Variants in NAALADL2 observed in about 807,000 individuals in gnomAD.
NAALADL2 encodes the protein inactive N-acetylated-alpha-linked acidic dipeptidase-like protein 2.
NAALADL2 carries 76 observed loss-of-function variants against 87.2 expected under a neutral mutation model. The observed-to-expected ratio is 0.87, with a 90% confidence interval of 0.72 to 1.05. The LOEUF (loss-of-function observed/expected upper bound fraction) is 1.05. Ranked by LOEUF, NAALADL2 falls within the 50% of genes least tolerant of loss-of-function variation. The pLI is 0.00. For synonymous variants in NAALADL2, 354 were observed against 331.0 expected, an observed-to-expected ratio of 1.07 and a Z score of -0.75; for missense variants, 1,089 against 945.8, an observed-to-expected ratio of 1.15 and a Z score of -1.99.
chr3:175,432,479 C>G (rs535465511), intron 5 of NAALADL2, among the ~76,000 whole-genome samples: 1 of 152,084 alleles, frequency 6.6e-6, no homozygotes, highest in African/African-American at 2.4e-5. Context: ...ATAAAACCCA[C>G]CATAATAAAG....
Position 175,457,284 on chromosome 3 carries a change from C to G in NAALADL2, c.1235-6117C>G, listed in dbSNP as rs142229450. 2.3e-3 allele frequency among the ~76,000 whole-genome samples: 354 copies of G among 152,168 alleles called. 1 individual carries two copies. Among genetic ancestry groups the G allele is most frequent in the African/African-American group, 8.2e-3 (342 of 41,544 alleles). On this transcript the variant is annotated intron_variant, in intron 6 of 13. Coordinates refer to ENST00000454872, the MANE Select transcript of NAALADL2 (RefSeq NM_207015.3). ...CTTAAAAGCAGATGTCCTTCTCACT[C>G]TGCTTCAGTTTGTCCCATCTCTGGT... is the stretch of plus-strand genomic sequence containing the variant.
At chr3:175,786,751 G>A (rs367890067) in intron 13 of NAALADL2, among the ~76,000 whole-genome samples, 39 of 151,788 alleles carry the variant, frequency 2.6e-4, no homozygotes, top group Middle Eastern at 3.2e-3. Flanking sequence ...GAGGAACTGC[G>A]TTCCTTTGGA....
intron 11 of NAALADL2, among the ~76,000 whole-genome samples, chr3:175,679,519 T>C (rs1735302938): frequency 6.6e-6 from 1 of 152,184 alleles, no homozygotes; most frequent in African/African-American, 2.4e-5. Context: ...TTCTTGAGAA[T>C]GAACTTGAAT....
At chr3:175,726,422 A>T (rs1305760232) in intron 11 of NAALADL2, among the ~76,000 whole-genome samples, 1 of 152,174 alleles carries the variant, frequency 6.6e-6, no homozygotes, top group Admixed American at 6.6e-5. Context: ...TAGTTCAGAG[A>T]TTAAAATGTA....
At chr3:175,129,684 A>T (rs1378356545) in intron 2 of NAALADL2, among the ~76,000 whole-genome samples, 2 of 152,196 alleles carry the variant, frequency 1.3e-5, no homozygotes, top group South Asian at 4.1e-4. Context: ...ACACATGTAT[A>T]TGTATATATC....
At chr3:174,456,022 C>A (rs3979586) in intron 1 of NAALADL2, among the ~76,000 whole-genome samples, 17,616 of 152,138 alleles carry the variant, frequency 0.12, 1,779 homozygotes, top group East Asian at 0.43. Flanking sequence ...TCTCAAGATA[C>A]AAAGTCAGTG....
At chr3:175,471,994 A>T (rs1724978567) in intron 9 of NAALADL2, among the ~76,000 whole-genome samples, 1 of 152,094 alleles carries the variant, frequency 6.6e-6, no homozygotes, top group Admixed American at 6.6e-5. Flanking sequence ...TGAGTCACAC[A>T]GTTATAGAGA....
intron 11 of NAALADL2, among the ~76,000 whole-genome samples, chr3:175,665,534 G>C (rs1283458857): frequency 6.6e-6 from 1 of 152,054 alleles, no homozygotes; most frequent in Non-Finnish European, 1.5e-5. Flanking sequence ...CATTTTCATA[G>C]CCTCAAAAAT....
intron 11 of NAALADL2, among the ~76,000 whole-genome samples, chr3:175,642,019 C>T (rs536953351): frequency 3.3e-5 from 5 of 152,168 alleles, no homozygotes; most frequent in South Asian, 2.1e-4. Flanking sequence ...ACTGAATTGC[C>T]GTATGACCAC....
chr3:175,082,315 T>C (rs1718025384), intron 1 of NAALADL2, among the ~76,000 whole-genome samples: 1 of 152,230 alleles, frequency 6.6e-6, no homozygotes, highest in Non-Finnish European at 1.5e-5. Context: ...GTTTTGGTTA[T>C]TGGAGTCTGA....
At chr3:174,784,714 C>A (rs1156272420) in intron 3 of NAALADL2, among the ~76,000 whole-genome samples, 1 of 152,114 alleles carries the variant, frequency 6.6e-6, no homozygotes, top group East Asian at 1.9e-4. Context: ...TCCGTTGGAC[C>A]AAATGTGAGT....
At chr3:174,782,755 G>A (rs1002387636) in intron 3 of NAALADL2, among the ~76,000 whole-genome samples, 1 of 151,930 alleles carries the variant, frequency 6.6e-6, no homozygotes, top group African/African-American at 2.4e-5. Context: ...GAGGTGCCGC[G>A]CAAAGGGGGA....
chr3:175,542,814 G>T (rs984781393), intron 9 of NAALADL2, among the ~76,000 whole-genome samples: 1 of 152,142 alleles, frequency 6.6e-6, no homozygotes, highest in African/African-American at 2.4e-5. Flanking sequence ...GAAATATTTT[G>T]ATAAGCCAAT....
At chr3:175,009,878 C>T (rs1749549212) in intron 1 of NAALADL2, among the ~76,000 whole-genome samples, 1 of 151,658 alleles carries the variant, frequency 6.6e-6, no homozygotes, top group Admixed American at 6.6e-5. Context: ...TAGTTTTTAT[C>T]AAAATAATAT....
chr3:175,256,186 A>C (rs908484582), intron 3 of NAALADL2, among the ~76,000 whole-genome samples: 1 of 152,174 alleles, frequency 6.6e-6, no homozygotes, highest in African/African-American at 2.4e-5. Context: ...AGAGAGAGCA[A>C]AGCAAAAATG....
Position 174,571,296 on chromosome 3 carries a change from T to C in NAALADL2, c.-115+20659T>C, listed in dbSNP as rs141054374. On this transcript the variant is annotated intron_variant, in intron 2 of 3. Transcript: ENST00000434257. ...ATCTTTCGTTTTTTTAGTGAGACTATTGTAACCTTAATAGCAAAACAGGGC... is the reference window on the plus strand; with the variant it reads ...ATCTTTCGTTTTTTTAGTGAGACTACTGTAACCTTAATAGCAAAACAGGGC... Among the ~76,000 whole-genome samples, 3 of 152,306 alleles carry C rather than the reference T, an allele frequency of 2.0e-5. No homozygotes were observed. In the East Asian group the frequency reaches 5.8e-4, roughly 29 times the overall value.
chr3:174,852,276 A>T (rs575775506), intron 3 of NAALADL2, among the ~76,000 whole-genome samples: 2 of 152,292 alleles, frequency 1.3e-5, no homozygotes, highest in African/African-American at 4.8e-5. Context: ...GGAATTAAAA[A>T]TATCCTTCCT....
chr3:175,554,564 C>A (rs1714952400), intron 9 of NAALADL2, among the ~76,000 whole-genome samples: 2 of 151,940 alleles, frequency 1.3e-5, no homozygotes, highest in South Asian at 4.2e-4. Flanking sequence ...TGGCTTTCTT[C>A]TTCTGGTGGG....
intron 1 of NAALADL2, among the ~76,000 whole-genome samples, chr3:174,536,333 A>G (rs1301694514): frequency 6.6e-6 from 1 of 152,162 alleles, no homozygotes; most frequent in Non-Finnish European, 1.5e-5. Flanking sequence ...TCATAGAGAT[A>G]ACATTTTCCA....
Sources: allele counts gnomAD v4.1 joint callset (sites outside exome capture counted in the v4.1 genomes callset), GRCh38; gene constraint gnomAD v4.1.1; transcripts MANE v1.5; gene names NCBI Gene and HGNC (gene_info 2026-07-23, HGNC 2026-07-21).